The following MARCHF1 variants were observed in gnomAD, a reference collection of about 807,000 sequenced individuals.
MARCHF1 encodes the protein E3 ubiquitin-protein ligase MARCHF1.
In MARCHF1, 40 loss-of-function variants were observed where a neutral mutation model predicts 54.2. That is an observed-to-expected ratio of 0.74 (90% CI 0.57 to 0.96). MARCHF1 has a LOEUF of 0.96. MARCHF1 is among the 40% of genes least tolerant of loss of function. The probability of loss-of-function intolerance (pLI) is 0.00; values close to 1 mark genes in which losing one functional copy is unlikely to be tolerated. For missense variants in MARCHF1, 586 were observed against 656.5 expected, an observed-to-expected ratio of 0.89 and a Z score of 1.17; for synonymous variants, 236 against 236.3, an observed-to-expected ratio of 1.00 and a Z score of 0.01.
intron 1 of MARCHF1, among the ~76,000 whole-genome samples, chr4:164,259,213 C>T (rs1457234540): frequency 6.6e-6 from 1 of 152,022 alleles, no homozygotes; most frequent in Non-Finnish European, 1.5e-5. Context: ...ACCTATCCAT[C>T]AATACGGTTA....
chr4:164,010,460 T>C (rs1184084872), intron 2 of MARCHF1, among the ~76,000 whole-genome samples: 1 of 151,842 alleles, frequency 6.6e-6, no homozygotes, highest in Non-Finnish European at 1.5e-5. Flanking sequence ...AACAATAAAA[T>C]CAGAAACATT....
chr4:164,369,330 T>C (rs1040270399), intron 1 of MARCHF1, among the ~76,000 whole-genome samples: 2 of 152,150 alleles, frequency 1.3e-5, no homozygotes, highest in Non-Finnish European at 2.9e-5. Flanking sequence ...AAAATAGGCA[T>C]AAAGATTTGA....
chr4:163,915,737 A>G (rs1751293536), intron 3 of MARCHF1, among the ~76,000 whole-genome samples: 1 of 152,106 alleles, frequency 6.6e-6, no homozygotes, highest in Non-Finnish European at 1.5e-5. Context: ...GTCTAATTAT[A>G]AAGAATGAAT....
intron 1 of MARCHF1, among the ~76,000 whole-genome samples, chr4:164,330,914 T>C (rs1260385910): frequency 6.6e-6 from 1 of 152,150 alleles, no homozygotes; most frequent in Non-Finnish European, 1.5e-5. Context: ...ATAATGACGC[T>C]CCAGTTCTGT....
intron 2 of MARCHF1, among the ~76,000 whole-genome samples, chr4:164,095,269 C>T (rs1755385441): frequency 6.6e-6 from 1 of 152,058 alleles, no homozygotes; most frequent in South Asian, 2.1e-4. Flanking sequence ...GTTACTTAAC[C>T]TTAGTACCTC....
chr4:163,752,791 T>A (rs1746562741), intron 4 of MARCHF1, among the ~76,000 whole-genome samples: 1 of 152,178 alleles, frequency 6.6e-6, no homozygotes, highest in Admixed American at 6.5e-5. Context: ...TAAAATAGAA[T>A]CCAAATTCAT....
intron 5 of MARCHF1, among the ~76,000 whole-genome samples, chr4:163,632,552 G>A (rs1358074126): frequency 6.6e-6 from 1 of 152,184 alleles, no homozygotes; most frequent in Non-Finnish European, 1.5e-5. Flanking sequence ...CTTAAAAAAC[G>A]GCGCACCACA....
chr4:164,304,645 A>G (rs1441728154), intron 1 of MARCHF1, among the ~76,000 whole-genome samples: 5 of 152,178 alleles, frequency 3.3e-5, no homozygotes, highest in Admixed American at 6.6e-5. Flanking sequence ...CAGGACATGT[A>G]ACAAGAAATA....
chr4:163,786,503 C>A, intron 4 of MARCHF1, among the ~76,000 whole-genome samples: 1 of 151,790 alleles, frequency 6.6e-6, no homozygotes, highest in Admixed American at 6.6e-5. Flanking sequence ...AAATTTGCTT[C>A]TAAAACATTG....
chr4:163,558,235 T>C (rs1560941148), intron 8 of MARCHF1, among the ~76,000 whole-genome samples: 1 of 152,052 alleles, frequency 6.6e-6, no homozygotes, highest in African/African-American at 2.4e-5. Context: ...GCGTGAACGG[T>C]TCAATGTGCA....
intron 9 of MARCHF1, among the ~76,000 whole-genome samples, chr4:163,533,079 T>A (rs529168842): frequency 6.6e-6 from 1 of 152,028 alleles, no homozygotes; most frequent in African/African-American, 2.4e-5. Flanking sequence ...TTTATTCATA[T>A]ATTTGTTCAA....
At chr4:164,250,517 A>C (rs1733093882) in intron 1 of MARCHF1, among the ~76,000 whole-genome samples, 1 of 151,744 alleles carries the variant, frequency 6.6e-6, no homozygotes. Flanking sequence ...GAAAATTAAA[A>C]CTCTTTTAAT....
intron 5 of MARCHF1, among the ~76,000 whole-genome samples, chr4:163,655,740 A>T (rs1006966662): frequency 6.6e-6 from 1 of 151,844 alleles, no homozygotes; most frequent in Non-Finnish European, 1.5e-5. Flanking sequence ...TTAGAACTCA[A>T]GATTAAGAAA....
chr4:163,567,886 A>G (rs13115712), intron 8 of MARCHF1, among the ~76,000 whole-genome samples: 67,718 of 151,896 alleles, frequency 0.45, 15,407 homozygotes, highest in East Asian at 0.52. Flanking sequence ...CATTTTAACA[A>G]CCATCTAGAA....
intron 1 of MARCHF1, among the ~76,000 whole-genome samples, chr4:164,349,912 T>A (rs1034096716): frequency 6.6e-6 from 1 of 152,188 alleles, no homozygotes; most frequent in Non-Finnish European, 1.5e-5. Context: ...AAACTTACCT[T>A]TTGAAGTCAG....
chr4:164,166,839 T>C (rs555425752), intron 1 of MARCHF1, among the ~76,000 whole-genome samples: 3 of 151,808 alleles, frequency 2.0e-5, no homozygotes, highest in African/African-American at 7.2e-5. Flanking sequence ...AGTATTTCTA[T>C]ACACAAATAA....
chr4:163,998,762 G>A lies in MARCHF1; in HGVS notation c.-247-10053C>T, dbSNP rs188821634. On this transcript the variant is annotated intron_variant, in intron 2 of 9. Transcript: ENST00000514618. The stretch of plus-strand genomic sequence containing the variant: ...ATCTTAATGTTCTCCAGCTTCATCT[G>A]TGATGTTGCAAATGACAGGAATTTT... Among the ~76,000 whole-genome samples the A allele has an allele frequency of 2.0e-5, 3 of 151,722 alleles. No homozygotes were observed. In the East Asian group the frequency reaches 5.8e-4, roughly 29 times the overall value.
chr4:164,239,582 T>G (rs1168896312), intron 1 of MARCHF1, among the ~76,000 whole-genome samples: 1 of 152,134 alleles, frequency 6.6e-6, no homozygotes, highest in Non-Finnish European at 1.5e-5. Context: ...TTTGTCAGGG[T>G]GCACTACAGT....
intron 5 of MARCHF1, among the ~76,000 whole-genome samples, chr4:163,700,008 C>T (rs1254864584): frequency 6.6e-6 from 1 of 151,180 alleles, no homozygotes; most frequent in East Asian, 1.9e-4. Flanking sequence ...TAAATATGGC[C>T]AAACTGATGT....
Sources: allele counts gnomAD v4.1 joint callset (sites outside exome capture counted in the v4.1 genomes callset), GRCh38; gene constraint gnomAD v4.1.1; transcripts MANE v1.5; gene names NCBI Gene and HGNC (gene_info 2026-07-23, HGNC 2026-07-21).